The following SPAG16 variants were observed in gnomAD, a reference collection of about 807,000 sequenced individuals.
SPAG16 encodes sperm-associated antigen 16 protein.
SPAG16 carries 86 observed loss-of-function variants against 80.4 expected under a neutral mutation model. The ratio of observed to expected loss-of-function variants is 1.07; its 90% CI spans 0.90 to 1.28. SPAG16 has a LOEUF of 1.28. SPAG16 is among the 50% of genes most tolerant of loss of function. The probability of loss-of-function intolerance (pLI) is 0.00; values close to 1 mark genes in which losing one functional copy is unlikely to be tolerated. For synonymous variants in SPAG16, 294 were observed against 265.9 expected, an observed-to-expected ratio of 1.11 and a Z score of -1.03; for missense variants, 870 against 765.3, an observed-to-expected ratio of 1.14 and a Z score of -1.61.
intron 10 of SPAG16, among the ~76,000 whole-genome samples, chr2:213,836,850 G>C (rs1164303346): frequency 6.6e-6 from 1 of 152,128 alleles, no homozygotes; most frequent in African/African-American, 2.4e-5. Context: ...CTGACCTCAG[G>C]TGATCCCCCG....
chr2:214,059,063 C>G (rs2050092731), intron 13 of SPAG16, among the ~76,000 whole-genome samples: 1 of 151,390 alleles, frequency 6.6e-6, no homozygotes, highest in Non-Finnish European at 1.5e-5. Flanking sequence ...TTCAAAATAT[C>G]TTGCTCGGGA....
chr2:213,325,245 AT>A (rs1445603190), intron 5 of SPAG16, among the ~76,000 whole-genome samples: 1 of 151,300 alleles, frequency 6.6e-6, no homozygotes, highest in Non-Finnish European at 1.5e-5. Context: ...AGCATATCTT[AT>A]CTTTTTTATG....
At chr2:213,972,012 C>T (rs1433490726) in intron 12 of SPAG16, among the ~76,000 whole-genome samples, 1 of 151,444 alleles carries the variant, frequency 6.6e-6, no homozygotes, top group Non-Finnish European at 1.5e-5. Context: ...TATTTTGATA[C>T]AGGCATACAA....
At chr2:213,564,031 A>G (rs1031854678) in intron 10 of SPAG16, among the ~76,000 whole-genome samples, 7 of 152,214 alleles carry the variant, frequency 4.6e-5, no homozygotes, top group Admixed American at 3.3e-4. Flanking sequence ...ACATCTACCT[A>G]CATTAAGCAT....
intron 10 of SPAG16, among the ~76,000 whole-genome samples, chr2:213,659,188 T>C (rs1171355936): frequency 4.6e-5 from 7 of 152,074 alleles, no homozygotes; most frequent in African/African-American, 1.7e-4. Flanking sequence ...CATTTCTTTG[T>C]TGTGTTATAT....
chr2:213,932,288 G>A (rs2078798331), intron 12 of SPAG16, among the ~76,000 whole-genome samples: 1 of 150,480 alleles, frequency 6.6e-6, no homozygotes, highest in Non-Finnish European at 1.5e-5. Flanking sequence ...TCAGCTCACT[G>A]CTCTGCAACC....
At chr2:214,123,048 ATAATTTC>A (rs1244348417) in intron 14 of SPAG16, among the ~76,000 whole-genome samples, 1 of 151,960 alleles carries the variant, frequency 6.6e-6, no homozygotes, top group Non-Finnish European at 1.5e-5. Flanking sequence ...TGGAAAGAAA[ATAATTTC>A]TAGTAAAAAG....
chr2:213,595,857 T>C (rs1234348046), intron 10 of SPAG16, among the ~76,000 whole-genome samples: 1 of 151,962 alleles, frequency 6.6e-6, no homozygotes, highest in Non-Finnish European at 1.5e-5. Context: ...TAAAATAGAG[T>C]ATTTATTCTG....
At chr2:213,575,875 A>G (rs1217289002) in intron 10 of SPAG16, among the ~76,000 whole-genome samples, 1 of 152,130 alleles carries the variant, frequency 6.6e-6, no homozygotes, top group African/African-American at 2.4e-5. Flanking sequence ...GGAATTTCTG[A>G]TAATAAGTAT....
At chr2:213,289,470 T>C (rs992203909) in intron 1 of SPAG16, among the ~76,000 whole-genome samples, 3 of 152,236 alleles carry the variant, frequency 2.0e-5, no homozygotes, top group East Asian at 3.8e-4. Context: ...GTATAGGATA[T>C]TAATAAGAAT....
chr2:213,629,157 G>C (rs916484784), intron 10 of SPAG16, among the ~76,000 whole-genome samples: 10 of 152,180 alleles, frequency 6.6e-5, no homozygotes, highest in African/African-American at 2.4e-4. Context: ...AGGTTTTGGA[G>C]TCAGAAACCC....
Position 213,742,752 on chromosome 2 carries a change from C to T in SPAG16, c.1071-119733C>T, listed in dbSNP as rs183841963. On this transcript the variant is annotated intron_variant, in intron 10 of 15. Transcript: ENST00000331683. ...TTTTTTAGTACAGACAGCGTTTCAC[C>T]ATGTTGGCCAGGCTGGTCCTGAACC... Among the ~76,000 whole-genome samples, 3 of 150,138 alleles carry T rather than the reference C, an allele frequency of 2.0e-5. No individual in the cohort carries two copies. The East Asian group carries it at 6.0e-4, about 30-fold the overall frequency.
chr2:213,911,378 C>G (rs2106167097), intron 11 of SPAG16, among the ~76,000 whole-genome samples: 1 of 152,284 alleles, frequency 6.6e-6, no homozygotes, highest in East Asian at 1.9e-4. Context: ...CTCCTGAGCT[C>G]AAGCAATCTC....
At chr2:213,538,312 G>A (rs2076317393) in intron 10 of SPAG16, among the ~76,000 whole-genome samples, 1 of 151,994 alleles carries the variant, frequency 6.6e-6, no homozygotes, top group Non-Finnish European at 1.5e-5. Context: ...GGATTAGGTA[G>A]GATGTGATGT....
intron 10 of SPAG16, among the ~76,000 whole-genome samples, chr2:213,621,976 A>C (rs2061804550): frequency 6.6e-6 from 1 of 152,148 alleles, no homozygotes; most frequent in Non-Finnish European, 1.5e-5. Context: ...TGGAGGAGGA[A>C]CTATAGCCTG....
intron 11 of SPAG16, among the ~76,000 whole-genome samples, chr2:213,921,989 G>A (rs1213973285): frequency 6.6e-6 from 1 of 152,092 alleles, no homozygotes; most frequent in Non-Finnish European, 1.5e-5. Flanking sequence ...AGAATCTGAT[G>A]ATTATGTGTC....
chr2:213,922,805 C>T (rs116528025), intron 11 of SPAG16, among the ~76,000 whole-genome samples: 1 of 151,626 alleles, frequency 6.6e-6, no homozygotes, highest in Non-Finnish European at 1.5e-5. Context: ...TTGGTGGCAC[C>T]CTCTATGATT....
At chr2:213,720,444 G>A (rs1333888314) in intron 10 of SPAG16, among the ~76,000 whole-genome samples, 1 of 146,270 alleles carries the variant, frequency 6.8e-6, no homozygotes, top group East Asian at 2.1e-4. Context: ...TGCCTAACAT[G>A]GTGAAACCCC....
At chr2:213,804,427 T>C (rs757326167) in intron 10 of SPAG16, among the ~76,000 whole-genome samples, 3 of 152,216 alleles carry the variant, frequency 2.0e-5, no homozygotes, top group Non-Finnish European at 2.9e-5. Flanking sequence ...CTGGCGCCTG[T>C]AATCCCAGCA....
Sources: allele counts gnomAD v4.1 joint callset (sites outside exome capture counted in the v4.1 genomes callset), GRCh38; gene constraint gnomAD v4.1.1; transcripts MANE v1.5; gene names NCBI Gene and HGNC (gene_info 2026-07-23, HGNC 2026-07-21).